The following RGSL1 variants were observed in gnomAD, a reference collection of about 807,000 sequenced individuals.
RGSL1 encodes regulator of G protein signaling like 1.
In RGSL1, 97 loss-of-function variants were observed where a neutral mutation model predicts 124.7. That is an observed-to-expected ratio of 0.78 (90% CI 0.66 to 0.92). The LOEUF is 0.92. Among genes scored for constraint, RGSL1 ranks in the 40% least tolerant of loss-of-function variants. The pLI, the probability that RGSL1 is intolerant of heterozygous loss-of-function variation, is 0.00. For synonymous variants in RGSL1, 424 were observed against 438.1 expected (o/e 0.97, Z 0.40); for missense variants, 1,233 against 1,288.4 (o/e 0.96, Z 0.66).
At chr1:182,460,519 C>A in intron 4 of RGSL1, 1 of 386,016 alleles carries the variant, frequency 2.6e-6, no homozygotes, top group East Asian at 7.1e-5. Context: ...ATTTCACCAC[C>A]TTCATTACTA....
intron 4 of RGSL1, among the ~76,000 whole-genome samples, chr1:182,463,293 CAA>C (rs1213777400): frequency 2.3e-4 from 14 of 60,506 alleles, no homozygotes; most frequent in Non-Finnish European, 2.1e-4. Flanking sequence ...GACTCCATCT[CAA>C]AAAAAAAAAA....
chr1:182,537,734 TCG>T (rs1160283652), intron 14 of RGSL1, among the ~76,000 whole-genome samples: 1 of 152,188 alleles, frequency 6.6e-6, no homozygotes, highest in East Asian at 1.9e-4. Flanking sequence ...TTCTAGTCTC[TCG>T]GTGGAAACAG....
chr1:182,463,687 A>G (rs1350651427), intron 4 of RGSL1, among the ~76,000 whole-genome samples: 1 of 152,228 alleles, frequency 6.6e-6, no homozygotes, highest in East Asian at 1.9e-4. Context: ...ACATCTACAC[A>G]CCTAATGACA....
At chr1:182,515,446 C>A (rs1657792753) in intron 9 of RGSL1, among the ~76,000 whole-genome samples, 2 of 151,152 alleles carry the variant, frequency 1.3e-5, no homozygotes, top group Non-Finnish European at 2.9e-5. Context: ...CAAATGGGCC[C>A]TGGCGAATTT....
At chr1:182,505,016 C>G (rs987392930) in intron 9 of RGSL1, among the ~76,000 whole-genome samples, 1 of 152,148 alleles carries the variant, frequency 6.6e-6, no homozygotes, top group African/African-American at 2.4e-5. Flanking sequence ...TACATACAAG[C>G]TTTGAAAACC....
Position 182,453,946 on chromosome 1 carries a change from C to T in RGSL1, c.14-12C>T. 1 of 1,369,800 alleles carries T rather than the reference C, an allele frequency of 7.3e-7. No individual in the cohort carries two copies. The highest frequency in any genetic ancestry group is 2.1e-5 in the Admixed American group (1 of 48,002). 84.9% of individuals were successfully genotyped at this position (1,369,800 alleles called of 1,614,324 possible). A position where few individuals can be genotyped will look rare whatever the true frequency, so the allele number is the denominator to read the frequency against. On this transcript the variant is annotated splice_polypyrimidine_tract_variant and intron_variant, in intron 1 of 21. Transcript: ENST00000294854. ...TCATGTTTTGTTTTTTTATTTCTCT[C>T]TCTCCATATAGAGATAATTGGTTCT...
At chr1:182,509,702 T>A (rs369551499) in intron 9 of RGSL1, among the ~76,000 whole-genome samples, 2 of 106,358 alleles carry the variant, frequency 1.9e-5, no homozygotes, top group Admixed American at 1.7e-4. Context: ...ACGGCACGGC[T>A]GGCCGGGCGG....
intron 15 of RGSL1, among the ~76,000 whole-genome samples, chr1:182,545,272 G>GA (rs1169223167): frequency 6.6e-6 from 1 of 152,072 alleles, no homozygotes; most frequent in East Asian, 1.9e-4. Context: ...TAGAAACAAA[G>GA]AAAAAACTAA....
intron 6 of RGSL1, among the ~76,000 whole-genome samples, chr1:182,481,105 A>G (rs1295617629): frequency 6.6e-6 from 1 of 152,154 alleles, no homozygotes; most frequent in East Asian, 1.9e-4. Context: ...TGAAGATTAG[A>G]GAAGAAATAA....
chr1:182,516,230 A>C (rs1187729090), intron 9 of RGSL1, among the ~76,000 whole-genome samples: 1 of 152,208 alleles, frequency 6.6e-6, no homozygotes, highest in African/African-American at 2.4e-5. Flanking sequence ...AAAAGCAGAA[A>C]TGCCTGTTCC....
rs952487179 is a variant in RGSL1, at chr1:182,526,281, T to G, written c.1932-1298T>G. Among the ~76,000 whole-genome samples, 15 of 152,074 alleles carry G rather than the reference T, an allele frequency of 9.9e-5. 1 individual carries two copies. Among genetic ancestry groups the G allele is most frequent in the Non-Finnish European group, 1.5e-5 (1 of 68,010 alleles). On this transcript the variant is annotated intron_variant, in intron 10 of 21. Transcript: ENST00000294854. ...TCCCAAAGCCAGACTGAAGACATCA[T>G]AAGAAAAGAAAACCATAGACCAATA...
chr1:182,559,581 G>A (rs1661055947), intron 21 of RGSL1, among the ~76,000 whole-genome samples: 1 of 152,150 alleles, frequency 6.6e-6, no homozygotes, highest in South Asian at 2.1e-4. Context: ...GAACAAATCT[G>A]ACCTGCTCAT....
intron 15 of RGSL1, among the ~76,000 whole-genome samples, chr1:182,546,793 T>C (rs1026581882): frequency 1.3e-5 from 2 of 152,250 alleles, no homozygotes; most frequent in African/African-American, 2.4e-5. Flanking sequence ...TCATATTTTA[T>C]CAGTTTTCAC....
At chr1:182,559,910 A>G (rs1328986384) in intron 21 of RGSL1, among the ~76,000 whole-genome samples, 5 of 152,142 alleles carry the variant, frequency 3.3e-5, no homozygotes. Context: ...TGTCTCACCT[A>G]CTAGACTACA....
chr1:182,501,262 T>TTC (rs998817922), intron 9 of RGSL1, among the ~76,000 whole-genome samples: 2 of 39,434 alleles, frequency 5.1e-5, no homozygotes, highest in African/African-American at 1.2e-4. Context: ...CTTTCTCTCT[T>TTC]TCTCTCTTTC....
rs1426740613 is a variant in RGSL1, at chr1:182,554,669, C to T, written c.3173C>T (p.Ala1058Val). 6.4e-7 allele frequency: 1 copy of T among 1,551,704 alleles called. No homozygotes were observed. The highest frequency in any genetic ancestry group is 8.7e-7 in the Non-Finnish European group (1 of 1,146,990). The stretch of plus-strand genomic sequence containing the variant: ...ACTCAGCCAAGACTCGTGGTATCTG[C>T]CATGCAGCTGCATCCCGTCCAGGGG... ...KLTQPRLVVS[A>V]MQLHPVQGQK... Residue 1058 changes from alanine to valine, a missense_variant, in exon 20 of 22, where the codon GCC becomes GTC. By Grantham distance (64) the Ala-to-Val change is moderately conservative (BLOSUM62 0). Transcript: ENST00000294854.
At chr1:182,476,174 C>T (rs1266663415) in intron 6 of RGSL1, among the ~76,000 whole-genome samples, 2 of 152,134 alleles carry the variant, frequency 1.3e-5, no homozygotes, top group Non-Finnish European at 2.9e-5. Flanking sequence ...CTCCTTTGCT[C>T]AATTTTTGAT....
intron 14 of RGSL1, among the ~76,000 whole-genome samples, chr1:182,538,903 G>A (rs1659716102): frequency 6.6e-6 from 1 of 152,092 alleles, no homozygotes; most frequent in South Asian, 2.1e-4. Context: ...AAGACCAATA[G>A]TAGATACATT....
upstream of RGSL1, chr1:182,449,346 A>C (rs1651653502): frequency 6.6e-6 from 1 of 152,162 alleles, no homozygotes; most frequent in Non-Finnish European, 1.5e-5. Context: ...TAATCCTTCC[A>C]GTTTTCAGTT....
Sources: allele counts gnomAD v4.1 joint callset (sites outside exome capture counted in the v4.1 genomes callset), GRCh38; gene constraint gnomAD v4.1.1; transcripts MANE v1.5; gene names NCBI Gene and HGNC (gene_info 2026-07-23, HGNC 2026-07-21).